TMPRSS9: variants seen among roughly 807,000 people sequenced by gnomAD.
The protein encoded by TMPRSS9 is transmembrane serine protease 9.
A neutral mutation model predicts 111.4 loss-of-function variants in TMPRSS9; 113 were observed. The observed-to-expected ratio is 1.01, with a 90% CI of 0.87 to 1.19. The LOEUF (loss-of-function observed/expected upper bound fraction) is 1.19. TMPRSS9 is among the 50% of genes most tolerant of loss of function. The pLI is 0.00. For missense variants in TMPRSS9, 1,803 were observed against 1,513.1 expected (o/e 1.19, Z -3.18); for synonymous variants, 805 against 659.1 (o/e 1.22, Z -3.39).
chr19:2,420,652 CT>C (rs1196687474), intron 13 of TMPRSS9, among the ~76,000 whole-genome samples: 1 of 152,158 alleles, frequency 6.6e-6, no homozygotes, highest in Non-Finnish European at 1.5e-5. Flanking sequence ...GCTTCAACTA[CT>C]GTGTGACCCC....
intron 14 of TMPRSS9, among the ~76,000 whole-genome samples, chr19:2,423,860 A>C (rs1398264209): frequency 6.6e-6 from 1 of 152,142 alleles, no homozygotes; most frequent in Non-Finnish European, 1.5e-5. Context: ...TATGGTCCCA[A>C]AACTGAAGTC....
exon 16 of TMPRSS9, chr19:2,425,141 C>T (rs1971581719): frequency 1.9e-6 from 3 of 1,580,032 alleles, no homozygotes; most frequent in Middle Eastern, 1.7e-4. Context: ...CGTGGCGCTG[C>T]TGGAGCTGGC....
At chr19:2,375,394 G>C (rs1002907960) in intron 1 of TMPRSS9, among the ~76,000 whole-genome samples, 1 of 142,448 alleles carries the variant, frequency 7.0e-6, no homozygotes, top group Non-Finnish European at 1.5e-5. Context: ...CTAGGTCAGG[G>C]TCTAGTGTGG....
At position 2,396,667 on chromosome 19, in the gene TMPRSS9, G is replaced by A. The variant is rs1970716237; in HGVS notation, c.270+1G>A. ...GCTGACGCCCACCCTGGAGGCACTG[G>A]TGAGGGTGGTCTGTGTTTGGGGGCC... On this transcript the variant is annotated splice_donor_variant, in intron 2 of 17. Coordinates refer to ENST00000648592, the Ensembl canonical transcript of TMPRSS9. LOFTEE classifies it high-confidence loss of function. 4 of 1,605,880 alleles carry A rather than the reference G, an allele frequency of 2.5e-6. No individual in the cohort carries two copies. Among genetic ancestry groups the A allele is most frequent in the Non-Finnish European group, 3.4e-6 (4 of 1,175,188 alleles).
intron 1 of TMPRSS9, among the ~76,000 whole-genome samples, chr19:2,394,259 G>A (rs1017977941): frequency 3.3e-4 from 5 of 15,338 alleles, no homozygotes; most frequent in African/African-American, 9.8e-4. Flanking sequence ...GGCGCCTGTG[G>A]TCTCTGTGGT....
intron 1 of TMPRSS9, among the ~76,000 whole-genome samples, chr19:2,394,480 G>A (rs1857660330): frequency 6.6e-6 from 1 of 152,166 alleles, no homozygotes; most frequent in Non-Finnish European, 1.5e-5. Context: ...TGGAGAGCGG[G>A]AGGCGTTCTG....
Position 2,381,280 on chromosome 19 carries a change from G to A in TMPRSS9, c.-25-8481G>A, listed in dbSNP as rs371656234. 9.9e-5 allele frequency among the ~76,000 whole-genome samples: 15 copies of A among 152,144 alleles called. No homozygotes were observed. In the East Asian group the frequency reaches 2.7e-3, roughly 27 times the overall value. On this transcript the variant is annotated intron_variant, in intron 1 of 17. Transcript: ENST00000649857. ...ATAATGGTGATGACAAGACCATTTA[G>A]AGAACACAGGAATCCTTAGAAAACC...
At chr19:2,406,209 G>T (rs1034184241) in intron 7 of TMPRSS9, among the ~76,000 whole-genome samples, 1 of 149,826 alleles carries the variant, frequency 6.7e-6, no homozygotes, top group African/African-American at 2.5e-5. Context: ...TAGTAGAGTC[G>T]GGGTTTCACC....
chr19:2,363,360 C>G (rs572331731), intron 1 of TMPRSS9, among the ~76,000 whole-genome samples: 2 of 152,144 alleles, frequency 1.3e-5, no homozygotes, highest in Admixed American at 1.3e-4. Flanking sequence ...CATCGGAGTT[C>G]AAACCCTGTT....
chr19:2,424,942 A>AGGGGCGGGGGCCG, intron 15 of TMPRSS9, 60 bp from the exon 17 acceptor site: 1 of 1,388,070 alleles, frequency 7.2e-7, no homozygotes. Context: ...GGGACACCAC[A>AGGGGCGGGGGCCG]GGGGCGGGGG....
At chr19:2,425,950 C>T in exon 18 of TMPRSS9, 1 of 1,601,786 alleles carries the variant, frequency 6.2e-7, no homozygotes, top group Non-Finnish European at 8.5e-7. Flanking sequence ...GACCCCTGGC[C>T]TGCAGGGAGC....
exon 8 of TMPRSS9, chr19:2,408,577 C>G: frequency 1.2e-6 from 2 of 1,613,572 alleles, no homozygotes; most frequent in Non-Finnish European, 1.7e-6. Context: ...CACATCTTCC[C>G]ACCCAGCAAG....
chr19:2,406,882 C>T (rs1216573158), intron 7 of TMPRSS9, among the ~76,000 whole-genome samples: 1 of 151,036 alleles, frequency 6.6e-6, no homozygotes, highest in Non-Finnish European at 1.5e-5. Flanking sequence ...TCTCTGTAAG[C>T]TCCACCTCCC....
intron 13 of TMPRSS9, among the ~76,000 whole-genome samples, chr19:2,421,615 G>A (rs774455451): frequency 3.3e-5 from 5 of 152,092 alleles, no homozygotes; most frequent in Non-Finnish European, 7.4e-5. Flanking sequence ...GAGTTTTTCT[G>A]CATTGTTTTA....
At chr19:2,393,130 G>A (rs944379988) in intron 1 of TMPRSS9, among the ~76,000 whole-genome samples, 4 of 152,134 alleles carry the variant, frequency 2.6e-5, no homozygotes, top group African/African-American at 7.2e-5. Flanking sequence ...GAATAAAAGC[G>A]GACTGCTGGA....
chr19:2,373,552 A>G (rs902346708), intron 1 of TMPRSS9, among the ~76,000 whole-genome samples: 8 of 152,068 alleles, frequency 5.3e-5, no homozygotes, highest in African/African-American at 1.9e-4. Flanking sequence ...TTTAGTAGAG[A>G]CGGGGTTTCG....
chr19:2,377,458 CCCT>C (rs1970345937), intron 1 of TMPRSS9, among the ~76,000 whole-genome samples: 1 of 90,326 alleles, frequency 1.1e-5, no homozygotes, highest in Non-Finnish European at 2.2e-5. Flanking sequence ...TTCTCCCCTC[CCCT>C]CTCCCCTCTC....
rs564933518 is a variant in TMPRSS9, at chr19:2,422,175, G to A, written c.2476G>A (p.Val826Met). 67 of 1,570,190 alleles carry A rather than the reference G, an allele frequency of 4.3e-5. No individual in the cohort carries two copies. Among genetic ancestry groups the A allele is most frequent in the Non-Finnish European group, 5.6e-5 (65 of 1,157,584 alleles). Reference sequence around the variant, plus strand: ...ACCTGCCAACTCAACCTTATCTGCCGTGAGCACCACTGCTAGGGGACAGAC... The same window carrying A: ...ACCTGCCAACTCAACCTTATCTGCCATGAGCACCACTGCTAGGGGACAGAC... The change falls in exon 14 of 18, where the codon GTG becomes ATG. Residue 826 changes from valine to methionine, a missense_variant. Transcript: ENST00000648592.
At chr19:2,387,117 G>C (rs1378069515), upstream of TMPRSS9, among the ~76,000 whole-genome samples, 1 of 152,198 alleles carries the variant, frequency 6.6e-6, no homozygotes, top group East Asian at 1.9e-4. Flanking sequence ...AGCACTTTGG[G>C]AGGCCAAGGC....
Sources: allele counts gnomAD v4.1 joint callset (sites outside exome capture counted in the v4.1 genomes callset), GRCh38; gene constraint gnomAD v4.1.1; transcripts MANE v1.5; gene names NCBI Gene and HGNC (gene_info 2026-07-23, HGNC 2026-07-21).